Variants in SH3TC1 observed in about 807,000 individuals in gnomAD.
The protein encoded by SH3TC1 is SH3 domain and tetratricopeptide repeats 1, also known as SH3 domain and tetratricopeptide repeat-containing protein 1.
In SH3TC1, 135 loss-of-function variants were observed where a neutral mutation model predicts 117.3. The ratio of observed to expected loss-of-function variants is 1.15; its 90% confidence interval spans 1.00 to 1.33. The LOEUF (loss-of-function observed/expected upper bound fraction) is 1.33, where lower values mean the gene tolerates loss of function less well. SH3TC1 is among the 40% of genes most tolerant of loss of function. The probability of loss-of-function intolerance (pLI) is 0.00; values close to 1 mark genes in which losing one functional copy is unlikely to be tolerated. For synonymous variants in SH3TC1, 898 were observed against 816.9 expected, an observed-to-expected ratio of 1.10 and a Z score of -1.69; for missense variants, 2,092 against 1,794.3, an observed-to-expected ratio of 1.17 and a Z score of -3.00.
rs1272153475 is a variant in SH3TC1 at position 8,222,914 on chromosome 4, C to T, written c.1187C>T (p.Ala396Val). 1.9e-6 allele frequency: 3 copies of T among 1,613,292 alleles called. No homozygotes were observed. In the African/African-American group the frequency reaches 4.0e-5, roughly 22 times the overall value. ...FSEGCFSEED[A>V]RQLLRRMSGT... ...GAGGGCTGCTTTTCTGAGGAGGATG[C>T]CAGGCAGTTGCTGAGGCGGATGTCG... Residue 396 changes from alanine (A) to valine (V), a missense_variant, in exon 10 of 18, where the codon GCC (alanine) becomes GTC (valine). Coordinates refer to ENST00000245105, the MANE Select transcript of SH3TC1 (RefSeq NM_018986.5).
chr4:8,232,272 G>A (rs999091353), intron 13 of SH3TC1, 116 bp downstream of exon 13: 10 of 1,451,366 alleles, frequency 6.9e-6, no homozygotes, highest in Admixed American at 6.2e-5. Context: ...GGGATCATTT[G>A]GTTCCTTGGC....
At chr4:8,220,387 T>TCG (rs1554135196) in intron 9 of SH3TC1, among the ~76,000 whole-genome samples, 79 of 151,632 alleles carry the variant, frequency 5.2e-4, no homozygotes, top group African/African-American at 1.7e-3. Flanking sequence ...GTGGCTCCTC[T>TCG]GGGGGGGGCA....
At chr4:8,198,415 G>A (rs949157806), upstream of SH3TC1, among the ~76,000 whole-genome samples, 15 of 152,292 alleles carry the variant, frequency 9.8e-5, no homozygotes, top group Non-Finnish European at 2.1e-4. Flanking sequence ...GCCGGAGCCC[G>A]CAGCCCACAC....
intron 12 of SH3TC1, chr4:8,229,329 T>G (rs895437087): frequency 4.0e-5 from 6 of 149,804 alleles, no homozygotes; most frequent in African/African-American, 1.5e-4. Context: ...GCCAGAGGGT[T>G]GAGAAGATTT....
At chr4:8,232,207 C>T (rs747033054) in intron 13 of SH3TC1, 51 bp downstream of exon 13, 8 of 52,378 alleles carry the variant, frequency 1.5e-4, no homozygotes, top group East Asian at 1.1e-3. Flanking sequence ...GCAAAGGGGG[C>T]GGCGGGGCGG....
chr4:8,215,979 G>A, intron 5 of SH3TC1, 132 bp from the exon 6 acceptor site: 3 of 1,135,328 alleles, frequency 2.6e-6, no homozygotes, highest in Non-Finnish European at 3.7e-6. Flanking sequence ...GCACCCCAGG[G>A]CAGGTGGGTG....
chr4:8,240,988 G>A lies in SH3TC1; in HGVS notation c.*33G>A. On this transcript the variant is annotated 3_prime_UTR_variant, in exon 18 of 18. Transcript: ENST00000245105. Reference sequence around the variant, plus strand: ...ATCCAAGGGAGTGGGTTTTGTGCAAGGGCTGGGGGTCTCCTGCCTCTCCTG... The same window carrying A: ...ATCCAAGGGAGTGGGTTTTGTGCAAAGGCTGGGGGTCTCCTGCCTCTCCTG... The A allele has an allele frequency of 6.3e-7, 1 of 1,592,866 alleles. No homozygotes were observed. The highest frequency in any genetic ancestry group is 2.2e-5 in the East Asian group (1 of 44,542).
At chr4:8,220,027 C>A (rs1719751636) in intron 9 of SH3TC1, among the ~76,000 whole-genome samples, 4 of 152,184 alleles carry the variant, frequency 2.6e-5, no homozygotes, top group Admixed American at 2.6e-4. Flanking sequence ...CTCTGTGTGT[C>A]TTCCGTATTC....
intron 12 of SH3TC1, among the ~76,000 whole-genome samples, chr4:8,230,188 T>C (rs1721058739): frequency 6.6e-6 from 1 of 152,262 alleles, no homozygotes; most frequent in Non-Finnish European, 1.5e-5. Context: ...TGATCTGATT[T>C]GTTGGCATAC....
chr4:8,228,931 C>T (rs1362584886), intron 12 of SH3TC1, among the ~76,000 whole-genome samples: 3 of 152,276 alleles, frequency 2.0e-5, no homozygotes, highest in South Asian at 2.1e-4. Flanking sequence ...GGGCAACGGG[C>T]GGTGGGTCAC....
chr4:8,228,208 T>A lies in SH3TC1; in HGVS notation c.2514T>A (p.His838Gln). 1 of 1,609,300 alleles carries A rather than the reference T, an allele frequency of 6.2e-7. No homozygotes were observed. The highest frequency in any genetic ancestry group is 8.5e-7 in the Non-Finnish European group (1 of 1,177,450). ...LVALAWLHVLHGQSPVALDIL... is the reference protein window; with the variant it reads ...LVALAWLHVLQGQSPVALDIL... ...CCCTGGCCTGGCTGCACGTGCTTCA[T>A]GGGCAGAGCCCGGTGGCCCTGGACA... The change falls in exon 12 of 18, where the codon CAT (histidine) becomes CAA (glutamine). Residue 838 changes from histidine to glutamine, a missense_variant. Transcript: ENST00000245105.
intron 17 of SH3TC1, among the ~76,000 whole-genome samples, chr4:8,239,438 ACGGACACGCACACG>A (rs1722132544): frequency 6.7e-6 from 1 of 148,588 alleles, no homozygotes; most frequent in Non-Finnish European, 1.5e-5. Context: ...ATGCACACAC[ACGGACACGCACACG>A]CAGATGCACA....
In SH3TC1 at chr4:8,209,792, C is replaced by G. The variant is rs776369087; in HGVS notation, c.217C>G (p.Pro73Ala). 6.2e-7 allele frequency: 1 copy of G among 1,613,618 alleles called. No individual in the cohort carries two copies. The highest frequency in any genetic ancestry group is 8.5e-7 in the Non-Finnish European group (1 of 1,180,002). Reference sequence around the variant, plus strand: ...CGTGGCTGGGCCTGCTGCTGGGACCCCTCCCTGCCAGATGGGGGTTTATCC... The same window carrying G: ...CGTGGCTGGGCCTGCTGCTGGGACCGCTCCCTGCCAGATGGGGGTTTATCC... ...ARVAGPAAGT[P>A]PCQMGVYPTD... Residue 73 changes from proline to alanine, a missense_variant, in exon 3 of 18, where the codon CCT becomes GCT. Pro to Ala is a conservative substitution (Grantham distance 27). Transcript: ENST00000245105. This position sits in a 1 kb window ranked among gnomAD's most constrained non-coding sequence, Gnocchi z 5.9.
intron 17 of SH3TC1, among the ~76,000 whole-genome samples, chr4:8,238,013 C>CA (rs1272692855): frequency 6.6e-6 from 1 of 152,174 alleles, no homozygotes; most frequent in Non-Finnish European, 1.5e-5. Flanking sequence ...TTGTATCTAA[C>CA]AAAGAAAACA....
At chr4:8,200,118 G>A (rs942396450) in intron 1 of SH3TC1, among the ~76,000 whole-genome samples, 4 of 152,238 alleles carry the variant, frequency 2.6e-5, no homozygotes, top group Non-Finnish European at 4.4e-5. Context: ...TGCCGTTGAC[G>A]AGGCTCAGAT....
chr4:8,215,190 G>A (rs575604018), intron 5 of SH3TC1: 27 of 456,268 alleles, frequency 5.9e-5, no homozygotes, highest in African/African-American at 2.2e-4. Flanking sequence ...GGAAGCTGCC[G>A]TCCAGTGGCC....
chr4:8,230,418 G>A (rs1176665989), intron 12 of SH3TC1, among the ~76,000 whole-genome samples: 3 of 152,128 alleles, frequency 2.0e-5, no homozygotes, highest in African/African-American at 7.2e-5. Context: ...TGACAGGCGT[G>A]AGCCATGGTG....
intron 5 of SH3TC1, 119 bp from the exon 6 acceptor site, chr4:8,215,992 T>C: frequency 1.6e-6 from 2 of 1,280,120 alleles, no homozygotes; most frequent in South Asian, 3.0e-5. Context: ...GGTGGGTGTC[T>C]TCCATGGTCT....
At chr4:8,214,649 C>CA in intron 5 of SH3TC1, 69 bp downstream of exon 5, 1 of 1,150,088 alleles carries the variant, frequency 8.7e-7, no homozygotes, top group East Asian at 2.3e-5. Flanking sequence ...ACACACCGTG[C>CA]ACTTAGATTA....
Sources: allele counts gnomAD v4.1 joint callset (sites outside exome capture counted in the v4.1 genomes callset), GRCh38; gene constraint gnomAD v4.1.1; non-coding constraint Gnocchi (gnomAD v3.1); transcripts MANE v1.5; gene names NCBI Gene and HGNC (gene_info 2026-07-23, HGNC 2026-07-21).